Variants in RBMS3 observed in about 807,000 individuals in gnomAD.
The protein encoded by RBMS3 is RNA binding motif single stranded interacting protein 3, also known as RNA-binding motif, single-stranded-interacting protein 3.
RBMS3 carries 27 observed loss-of-function variants against 66.8 expected under a neutral mutation model. That is an observed-to-expected ratio of 0.40 (90% confidence interval 0.30 to 0.56). The LOEUF (loss-of-function observed/expected upper bound fraction) is 0.56. RBMS3 is among the 20% of genes least tolerant of loss of function. RBMS3 has a pLI of 0.40. For synonymous variants in RBMS3, 188 were observed against 183.0 expected (o/e 1.03, Z -0.22); for missense variants, 513 against 549.5 (o/e 0.93, Z 0.66).
At chr3:29,772,340 T>C (rs544677544) in intron 6 of RBMS3, among the ~76,000 whole-genome samples, 24 of 152,202 alleles carry the variant, frequency 1.6e-4, no homozygotes, top group African/African-American at 5.5e-4. Flanking sequence ...GGAAAGCTAA[T>C]ATACTAGTAT....
chr3:29,775,395 A>G (rs2056391496), intron 6 of RBMS3, among the ~76,000 whole-genome samples: 1 of 151,942 alleles, frequency 6.6e-6, no homozygotes, highest in Non-Finnish European at 1.5e-5. Context: ...AGCAAATAGC[A>G]TATTGTTTGA....
chr3:29,792,736 A>G (rs576800313), intron 6 of RBMS3, among the ~76,000 whole-genome samples: 85 of 152,386 alleles, frequency 5.6e-4, no homozygotes, highest in Non-Finnish European at 9.0e-4. Flanking sequence ...TTACTCCTTC[A>G]TTAAATAATC....
intron 3 of RBMS3, among the ~76,000 whole-genome samples, chr3:29,557,918 G>GT (rs1252569818): frequency 6.6e-6 from 1 of 152,142 alleles, no homozygotes; most frequent in African/African-American, 2.4e-5. Flanking sequence ...TTAAAAGACT[G>GT]TTTATCATAC....
At chr3:29,514,705 G>A (rs1359494518) in intron 3 of RBMS3, among the ~76,000 whole-genome samples, 5 of 112,056 alleles carry the variant, frequency 4.5e-5, no homozygotes, top group East Asian at 2.6e-4. Context: ...TATATGATAG[G>A]CATATATATG....
At chr3:29,886,768 A>T (rs962865244) in intron 8 of RBMS3, among the ~76,000 whole-genome samples, 5 of 151,922 alleles carry the variant, frequency 3.3e-5, no homozygotes, top group African/African-American at 9.6e-5. Flanking sequence ...GGAGCAGGAA[A>T]ATCCTCTTAG....
intron 12 of RBMS3, among the ~76,000 whole-genome samples, chr3:29,960,589 T>G (rs1293981102): frequency 6.6e-6 from 1 of 152,204 alleles, no homozygotes; most frequent in African/African-American, 2.4e-5. Flanking sequence ...CTAGCAGAAG[T>G]TCTCCATGAG....
rs528938665 is a variant in RBMS3 at position 29,281,657 on chromosome 3, C to A, written c.-25C>A. On this transcript the variant is annotated 5_prime_UTR_variant, in exon 1 of 15. Transcript: ENST00000383767. ...CTATACCCTGTCATCCAGTTCCCTG[C>A]CTCGGAGATAAAGATTCCAGCTACA... is the stretch of plus-strand genomic sequence containing the variant. 6.2e-7 allele frequency: 1 copy of A among 1,602,812 alleles called. No individual in the cohort carries two copies. The highest frequency in any genetic ancestry group is 8.5e-7 in the Non-Finnish European group (1 of 1,169,918).
chr3:29,988,703 T>A (rs1698605413), intron 13 of RBMS3, among the ~76,000 whole-genome samples: 1 of 151,996 alleles, frequency 6.6e-6, no homozygotes, highest in South Asian at 2.1e-4. Context: ...CAGGAGGATC[T>A]CTTGAGACCA....
In RBMS3 at chr3:29,420,078, G is replaced by T. The variant is rs185059001; in HGVS notation, c.76-14665G>T. ...ACAGTAGACCCTGAGCATTTGTAAA[G>T]CAAGAAATGATGTTAGTAAAGATAC... is the stretch of plus-strand genomic sequence containing the variant. On this transcript the variant is annotated intron_variant, in intron 1 of 14. Coordinates refer to ENST00000383767, the MANE Select transcript of RBMS3 (RefSeq NM_001003793.3). Among the ~76,000 whole-genome samples the T allele has an allele frequency of 4.9e-3, 743 of 152,290 alleles. 5 individuals are homozygous for T. The highest frequency in any genetic ancestry group is 0.017 in the African/African-American group (718 of 41,562).
intron 10 of RBMS3, among the ~76,000 whole-genome samples, chr3:29,912,583 C>T (rs2060543215): frequency 6.6e-6 from 1 of 152,024 alleles, no homozygotes; most frequent in South Asian, 2.1e-4. Context: ...AGCGTAGTGT[C>T]TTAATTGGCA....
intron 1 of RBMS3, among the ~76,000 whole-genome samples, chr3:29,406,511 A>G (rs2040020609): frequency 6.6e-6 from 1 of 152,136 alleles, no homozygotes; most frequent in African/African-American, 2.4e-5. Context: ...GGCTCATTAA[A>G]CCACATCACA....
chr3:29,872,213 C>T (rs377621237), intron 7 of RBMS3, among the ~76,000 whole-genome samples: 3 of 151,976 alleles, frequency 2.0e-5, no homozygotes, highest in South Asian at 4.2e-4. Flanking sequence ...TTACTTACAA[C>T]AAAATAAATA....
intron 2 of RBMS3, among the ~76,000 whole-genome samples, chr3:29,487,071 C>T (rs2043347734): frequency 6.6e-6 from 1 of 152,064 alleles, no homozygotes; most frequent in Non-Finnish European, 1.5e-5. Context: ...ACCTTAATAG[C>T]TCAAACCTAG....
chr3:29,725,366 C>T (rs1216091375), intron 4 of RBMS3, among the ~76,000 whole-genome samples: 1 of 152,062 alleles, frequency 6.6e-6, no homozygotes, highest in Non-Finnish European at 1.5e-5. Context: ...CAACTAAGAT[C>T]ACAGCAGAAC....
chr3:29,788,309 T>C (rs993371034), intron 6 of RBMS3, among the ~76,000 whole-genome samples: 1 of 151,526 alleles, frequency 6.6e-6, no homozygotes, highest in Non-Finnish European at 1.5e-5. Context: ...CACTGCAACC[T>C]CCGCCTCCCT....
intron 1 of RBMS3, among the ~76,000 whole-genome samples, chr3:29,349,174 G>A (rs1369443343): frequency 6.6e-6 from 1 of 152,084 alleles, no homozygotes; most frequent in African/African-American, 2.4e-5. Context: ...TTTTTCTCCA[G>A]CTCTCTGCTC....
chr3:29,390,977 A>T, intron 1 of RBMS3: 1 of 276,366 alleles, frequency 3.6e-6, no homozygotes. Context: ...GTCTTAGACA[A>T]AAGCCACGCC....
At chr3:29,427,298 A>G (rs1266204761) in intron 1 of RBMS3, among the ~76,000 whole-genome samples, 4 of 152,262 alleles carry the variant, frequency 2.6e-5, no homozygotes, top group Non-Finnish European at 5.9e-5. Context: ...TATGTGGTTC[A>G]TGAAACCATG....
intron 4 of RBMS3, among the ~76,000 whole-genome samples, chr3:29,694,432 T>A (rs1436201452): frequency 1.3e-5 from 2 of 152,152 alleles, no homozygotes; most frequent in African/African-American, 2.4e-5. Context: ...TAAGAGGAAA[T>A]CTGCTTTAAA....
Sources: gnomAD v4.1 joint callset for allele counts (sites outside exome capture counted in the v4.1 genomes callset) on GRCh38, gnomAD v4.1.1 for gene constraint, MANE v1.5 for transcripts, NCBI Gene and HGNC (gene_info 2026-07-23, HGNC 2026-07-21) for gene names.